SVIP: variants seen among roughly 807,000 people sequenced by gnomAD.
SVIP encodes small VCP/p97-interacting protein.
SVIP carries 14 observed loss-of-function variants against 12.9 expected under a neutral mutation model. The observed-to-expected ratio is 1.08, with a 90% confidence interval of 0.72 to 1.70. SVIP has a LOEUF of 1.70. SVIP is among the 40% of genes most tolerant of loss of function. The pLI, the probability that SVIP is intolerant of heterozygous loss-of-function variation, is 0.00. For synonymous variants in SVIP, 35 were observed against 33.3 expected, an observed-to-expected ratio of 1.05 and a Z score of -0.17; for missense variants, 93 against 90.8, an observed-to-expected ratio of 1.02 and a Z score of -0.10.
intron 3 of SVIP, 91 bp from the exon 4 acceptor site, chr11:22,823,224 T>C (rs965414577): frequency 4.4e-5 from 39 of 894,726 alleles, no homozygotes; most frequent in South Asian, 8.3e-5. Context: ...AAGAGGAATA[T>C]GGGACATAGA....
intron 1 of SVIP, chr11:22,829,403 C>G: frequency 2.9e-6 from 1 of 347,828 alleles, no homozygotes; most frequent in Non-Finnish European, 5.2e-6. Flanking sequence ...CTGCGTGCGC[C>G]GGCGCCCTAT....
intron 1 of SVIP, chr11:22,829,271 T>C (rs1470374954): frequency 6.1e-6 from 1 of 164,008 alleles, no homozygotes; most frequent in Non-Finnish European, 1.3e-5. Flanking sequence ...TTTTAAAAGA[T>C]GGTAGACACA....
chr11:22,825,976 C>G (rs1291673174), intron 3 of SVIP, among the ~76,000 whole-genome samples: 1 of 152,122 alleles, frequency 6.6e-6, no homozygotes, highest in Non-Finnish European at 1.5e-5. Context: ...CACTTTATCT[C>G]AACAGAATAT....
chr11:22,823,429 G>T (rs1857552894), intron 3 of SVIP, among the ~76,000 whole-genome samples: 1 of 152,214 alleles, frequency 6.6e-6, no homozygotes, highest in Admixed American at 6.5e-5. Context: ...TGCTGGGAAT[G>T]TAACATCCTG....
chr11:22,823,394 A>G (rs1260280745), intron 3 of SVIP, among the ~76,000 whole-genome samples: 3 of 152,208 alleles, frequency 2.0e-5, no homozygotes, highest in Non-Finnish European at 4.4e-5. Context: ...TCTTGCCTGT[A>G]GTTTTCAAGA....
chr11:22,824,624 T>C (rs145998656), intron 3 of SVIP, among the ~76,000 whole-genome samples: 23 of 152,148 alleles, frequency 1.5e-4, no homozygotes, highest in African/African-American at 5.1e-4. Flanking sequence ...TCTGTGCCTT[T>C]TTTAGTCTCT....
chr11:22,827,543 C>T (rs1041867794), intron 2 of SVIP, among the ~76,000 whole-genome samples: 2 of 152,050 alleles, frequency 1.3e-5, no homozygotes, highest in Non-Finnish European at 2.9e-5. Flanking sequence ...ACTTGCTTCA[C>T]ATCTGTAAGT....
rs1340070532 is a variant in SVIP at position 22,822,626 on chromosome 11, GC to G, written c.*492del. On this transcript the variant is annotated 3_prime_UTR_variant, in exon 4 of 4. Transcript: ENST00000354193. ...AAATTTACAGTGCTCCTTCACATCA[GC>G]CCTTCAAATGATTTTTTCAAGATTC... 2.6e-5 allele frequency: 4 copies of G among 152,206 alleles called. No individual in the cohort carries two copies. Among genetic ancestry groups the G allele is most frequent in the Non-Finnish European group, 5.9e-5 (4 of 68,126 alleles). The allele number at this position is 152,206 out of a possible 1,614,324, so 9.4% of individuals were successfully genotyped here. A position where few individuals can be genotyped will look rare whatever the true frequency, so the allele number is the denominator to read the frequency against.
intron 3 of SVIP, among the ~76,000 whole-genome samples, chr11:22,823,841 C>G (rs1317917655): frequency 6.6e-6 from 1 of 152,180 alleles, no homozygotes; most frequent in Non-Finnish European, 1.5e-5. Flanking sequence ...TCTCCCACCT[C>G]AGCCTCCCGA....
intron 2 of SVIP, 126 bp downstream of exon 2, chr11:22,827,698 C>A: frequency 1.7e-6 from 1 of 575,522 alleles, no homozygotes; most frequent in Non-Finnish European, 3.0e-6. Flanking sequence ...AAAATAATTA[C>A]ATTTAAATGT....
rs920336243 is a variant in SVIP, at chr11:22,820,906, G to T, written c.*2213C>A. The T allele has an allele frequency of 2.0e-5, 3 of 151,766 alleles. No homozygotes were observed. Among genetic ancestry groups the T allele is most frequent in the Non-Finnish European group, 4.4e-5 (3 of 67,954 alleles). The allele number at this position is 151,766 out of a possible 1,614,324, so 9.4% of individuals were successfully genotyped here. A position where few individuals can be genotyped will look rare whatever the true frequency, so the allele number is the denominator to read the frequency against. ...TGTTCCAATTATAGTTTAGTAATAG[G>T]TCAGGGGTTTGAGCAACATTTTAAG... On this transcript the variant is annotated 3_prime_UTR_variant, in exon 4 of 4. Coordinates refer to ENST00000354193, the MANE Select transcript of SVIP (RefSeq NM_148893.3).
intron 1 of SVIP, among the ~76,000 whole-genome samples, chr11:22,828,799 T>G (rs1857827091): frequency 6.6e-6 from 1 of 152,182 alleles, no homozygotes; most frequent in Non-Finnish European, 1.5e-5. Context: ...TTTTAGTATC[T>G]ATAGTAGCTG....
chr11:22,829,216 T>TA (rs1220581062), intron 1 of SVIP: 1 of 153,470 alleles, frequency 6.5e-6, no homozygotes, highest in Admixed American at 6.5e-5. Context: ...TAAAAAAACA[T>TA]ATCCGATAAA....
rs1256798381 is a variant in SVIP, at chr11:22,819,624, T to G, written c.*3495A>C. On this transcript the variant is annotated 3_prime_UTR_variant, in exon 4 of 4. Transcript: ENST00000354193. ...CCTGTCTCTACTAAAAACACAAAAT[T>G]AGTCAGGCGTGGTGGCACATGCCTG... The G allele has an allele frequency of 6.6e-6, 1 of 151,972 alleles. No homozygotes were observed. The highest frequency in any genetic ancestry group is 1.9e-4 in the East Asian group (1 of 5,166). The allele number at this position is 151,972 out of a possible 1,614,324, so 9.4% of individuals were successfully genotyped here.
chr11:22,820,879 A>C lies in SVIP; in HGVS notation c.*2240T>G, dbSNP rs1857456262. The C allele has an allele frequency of 6.6e-6, 1 of 152,056 alleles. No individual in the cohort carries two copies. Among genetic ancestry groups the C allele is most frequent in the Non-Finnish European group, 1.5e-5 (1 of 67,994 alleles). 9.4% of individuals were successfully genotyped at this position (152,056 alleles called of 1,614,324 possible). A position where few individuals can be genotyped will look rare whatever the true frequency, so the allele number is the denominator to read the frequency against. ...TATGATAGTTACATATATGCATTTTACTGTTCCAATTATAGTTTAGTAATA... is the reference window on the plus strand; with the variant it reads ...TATGATAGTTACATATATGCATTTTCCTGTTCCAATTATAGTTTAGTAATA... On this transcript the variant is annotated 3_prime_UTR_variant, in exon 4 of 4. Transcript: ENST00000354193.
At chr11:22,827,036 C>CA (rs1460802540) in intron 3 of SVIP, among the ~76,000 whole-genome samples, 171 bp downstream of exon 3, 3 of 151,754 alleles carry the variant, frequency 2.0e-5, no homozygotes, top group Non-Finnish European at 4.4e-5. Flanking sequence ...TAATTGATTC[C>CA]AATAAATGTT....
intron 1 of SVIP, among the ~76,000 whole-genome samples, chr11:22,828,652 G>A (rs1263473906): frequency 6.6e-6 from 1 of 152,092 alleles, no homozygotes; most frequent in Non-Finnish European, 1.5e-5. Context: ...ATAGTATGAG[G>A]ATGGGGGGGA....
chr11:22,823,063 T>G lies in SVIP; in HGVS notation c.*56A>C. ...AAGAAATTAAATTGATGAAGCCCAC[T>G]TGATTGCAGATAATAAACAGTTATT... is the stretch of plus-strand genomic sequence containing the variant. On this transcript the variant is annotated 3_prime_UTR_variant, in exon 4 of 4. Coordinates refer to ENST00000354193, the MANE Select transcript of SVIP (RefSeq NM_148893.3). 1 of 1,454,100 alleles carries G rather than the reference T, an allele frequency of 6.9e-7. No homozygotes were observed. Among genetic ancestry groups the G allele is most frequent in the South Asian group, 1.3e-5 (1 of 79,972 alleles). 90.1% of individuals were successfully genotyped at this position (1,454,100 alleles called of 1,614,324 possible).
chr11:22,827,715 T>C (rs1281424862), intron 2 of SVIP, 109 bp downstream of exon 2: 2 of 675,718 alleles, frequency 3.0e-6, no homozygotes, highest in Admixed American at 2.9e-5. Flanking sequence ...ATGTAAATTT[T>C]TGGGATATCA....
Sources: allele counts gnomAD v4.1 joint callset (sites outside exome capture counted in the v4.1 genomes callset), GRCh38; gene constraint gnomAD v4.1.1; transcripts MANE v1.5; gene names NCBI Gene and HGNC (gene_info 2026-07-23, HGNC 2026-07-21).